The following PABPC1L variants were observed in gnomAD, a reference collection of about 807,000 sequenced individuals.
PABPC1L encodes polyadenylate-binding protein 1-like.
In PABPC1L, 31 loss-of-function variants were observed where a neutral mutation model predicts 66.6. The observed-to-expected ratio is 0.47, with a 90% CI of 0.35 to 0.63. The LOEUF (loss-of-function observed/expected upper bound fraction) is 0.63, where lower values mean the gene tolerates loss of function less well. PABPC1L is among the 20% of genes least tolerant of loss of function. The pLI is 0.00. For synonymous variants in PABPC1L, 348 were observed against 335.1 expected (o/e 1.04, Z -0.42); for missense variants, 722 against 848.8 (o/e 0.85, Z 1.86).
At chr20:44,928,864 CAAAAAAAAAAAAAAAA>C (rs10597679) in intron 7 of PABPC1L, among the ~76,000 whole-genome samples, 6 of 54,358 alleles carry the variant, frequency 1.1e-4, no homozygotes, top group African/African-American at 4.3e-4. Flanking sequence ...GATCCTGACT[CAAAAAAAAAAAAAAAA>C]AAAAAGAAAA....
rs754003327 is a variant in PABPC1L, at chr20:44,916,760, C to T, written c.392C>T (p.Ala131Val). 1.1e-5 allele frequency: 17 copies of T among 1,614,130 alleles called. No homozygotes were observed. The highest frequency in any genetic ancestry group is 1.0e-4 in the Admixed American group (6 of 60,022). Residue 131 changes from alanine to valine, a missense_variant, in exon 3 of 15, where the codon GCG (alanine) becomes GTG (valine). By Grantham distance (64) the Ala-to-Val change is moderately conservative. Transcript: ENST00000217073. ...TFGNILSCKV[A>V]CDEHGSRGFG... is the part of the protein sequence containing the mutation. ...TCCTTCCTCCCTGTGGCCCAGGTGG[C>T]GTGTGACGAGCATGGCTCCCGGGGT...
chr20:44,921,649 G>A lies in PABPC1L; in HGVS notation c.794G>A (p.Arg265Gln), dbSNP rs748731533. Residue 265 changes from arginine to glutamine, a missense_variant, in exon 6 of 15, where the codon CGG (arginine) becomes CAG (glutamine). Arg to Gln is a conservative substitution (Grantham distance 43). Transcript: ENST00000217073. ...AGCGGGCGGCTGCTGTACGCGGGCC[G>A]GGCCCAAAAGCGCGTGGAGCGGCAG... ...EVSGRLLYAG[R>Q]AQKRVERQNE... 53 of 1,613,840 alleles carry A rather than the reference G, an allele frequency of 3.3e-5. No individual in the cohort carries two copies. The highest frequency in any genetic ancestry group is 6.7e-5 in the East Asian group (3 of 44,860).
intron 11 of PABPC1L, 109 bp from the exon 12 acceptor site, chr20:44,936,528 G>A: frequency 3.4e-6 from 3 of 883,876 alleles, no homozygotes; most frequent in Non-Finnish European, 5.2e-6. Flanking sequence ...CTTGCCCTCT[G>A]TTCCCCTCCT....
In PABPC1L at chr20:44,924,234, A is replaced by G; in HGVS notation, c.950A>G (p.Tyr317Cys). 2.5e-6 allele frequency: 4 copies of G among 1,613,790 alleles called. No homozygotes were observed. Among genetic ancestry groups the G allele is most frequent in the Non-Finnish European group, 3.4e-6 (4 of 1,179,718 alleles). The change falls in exon 7 of 15, where the codon TAT becomes TGT. Residue 317 changes from tyrosine (Y) to cysteine (C), a missense_variant. Tyr to Cys is a radical substitution (Grantham distance 194). Around this residue, in one of 3 missense-constraint regions of PABPC1L, gnomAD observed 137 missense variants for 216.8 expected, o/e 0.63. Transcript: ENST00000217073. ...DDKLRKEFSP[Y>C]GVITSAKVMT... is the part of the protein sequence containing the mutation. ...AAACTGAGGAAAGAGTTCTCTCCCT[A>G]TGGAGTAATTACCAGTGCGAAGGTG... is the stretch of plus-strand genomic sequence containing the variant.
chr20:44,911,185 C>T (rs1343697478), intron 1 of PABPC1L, among the ~76,000 whole-genome samples: 1 of 151,816 alleles, frequency 6.6e-6, no homozygotes, highest in East Asian at 1.9e-4. Context: ...TAAATAAGGC[C>T]AGGCGCAGTG....
intron 7 of PABPC1L, among the ~76,000 whole-genome samples, chr20:44,924,683 G>C (rs1274739806): frequency 6.6e-6 from 1 of 152,212 alleles, no homozygotes; most frequent in East Asian, 1.9e-4. Flanking sequence ...TATTTCTGGA[G>C]CACCAATTGT....
At position 44,912,808 on chromosome 20, in the gene PABPC1L, T is replaced by C. The variant is rs994320960; in HGVS notation, c.342T>C (p.Ala114=). 1.4e-5 allele frequency: 22 copies of C among 1,614,062 alleles called. No homozygotes were observed. The highest frequency in any genetic ancestry group is 5.0e-5 in the Admixed American group (3 of 60,008). ...KNLEDSIDNK[A]LYDTFSTFGN... is the part of the protein sequence containing the mutation. Reference sequence around the variant, plus strand: ...TGGAGGACTCCATTGACAACAAGGCTTTATATGATACCTTCTCCACCTTTG... The same window carrying C: ...TGGAGGACTCCATTGACAACAAGGCCTTATATGATACCTTCTCCACCTTTG... The change falls in exon 2 of 15, where the codon GCT becomes GCC. Residue 114 remains alanine, a synonymous_variant. Coordinates refer to ENST00000217073, the MANE Select transcript of PABPC1L (RefSeq NM_001372179.1).
At chr20:44,916,680 C>T (rs116872114) in intron 2 of PABPC1L, 76 bp from the exon 3 acceptor site, 826 of 1,376,280 alleles carry the variant, frequency 6.0e-4, no homozygotes, top group Non-Finnish European at 7.5e-4. Flanking sequence ...AGAGACTGGT[C>T]GTGATCACCT....
intron 5 of PABPC1L, among the ~76,000 whole-genome samples, chr20:44,920,423 C>T (rs1056493929): frequency 1.3e-5 from 2 of 152,000 alleles, no homozygotes; most frequent in Admixed American, 6.6e-5. Flanking sequence ...CTTAGTAATA[C>T]GCATTTAAAA....
At chr20:44,914,399 G>A (rs1271996387) in intron 2 of PABPC1L, among the ~76,000 whole-genome samples, 4 of 151,902 alleles carry the variant, frequency 2.6e-5, no homozygotes, top group Admixed American at 6.5e-5. Flanking sequence ...TAGTAGAGAC[G>A]GGGTTTCACC....
At position 44,924,206 on chromosome 20, in the gene PABPC1L, G is replaced by T; in HGVS notation, c.922G>T (p.Asp308Tyr). The T allele has an allele frequency of 6.2e-7, 1 of 1,614,034 alleles. No homozygotes were observed. The highest frequency in any genetic ancestry group is 8.5e-7 in the Non-Finnish European group (1 of 1,179,970). ...GAATCTGGACGACTCCATTGATGAC[G>T]ACAAACTGAGGAAAGAGTTCTCTCC... is the stretch of plus-strand genomic sequence containing the variant. ...VKNLDDSIDDDKLRKEFSPYG... is the reference protein window; with the variant it reads ...VKNLDDSIDDYKLRKEFSPYG... Residue 308 changes from aspartate to tyrosine, a missense_variant, in exon 7 of 15, where the codon GAC (aspartate) becomes TAC (tyrosine). By Grantham distance (160) the Asp-to-Tyr change is radical. Coordinates refer to ENST00000217073, the MANE Select transcript of PABPC1L (RefSeq NM_001372179.1).
chr20:44,929,794 C>CAAAAAA (rs569532056), intron 7 of PABPC1L, among the ~76,000 whole-genome samples: 6 of 101,372 alleles, frequency 5.9e-5, no homozygotes, highest in African/African-American at 2.1e-4. Flanking sequence ...AACTATGTCT[C>CAAAAAA]AAAAAAAAAA....
intron 3 of PABPC1L, among the ~76,000 whole-genome samples, chr20:44,917,319 A>C (rs1464564895): frequency 1.3e-5 from 2 of 150,292 alleles, no homozygotes; most frequent in East Asian, 2.0e-4. Flanking sequence ...TGTAGCTGGG[A>C]CCACAGGTGA....
chr20:44,912,859 G>A lies in PABPC1L; in HGVS notation c.387+6G>A. ...GGAACATCCTCTCTTGCAAGGTAGA[G>A]GATGAAGGGTGTACGTCTTTGGGTA... On this transcript the variant is annotated splice_donor_region_variant and intron_variant, in intron 2 of 14. Transcript: ENST00000217073. 1 of 1,612,424 alleles carries A rather than the reference G, an allele frequency of 6.2e-7. No individual in the cohort carries two copies. The highest frequency in any genetic ancestry group is 8.5e-7 in the Non-Finnish European group (1 of 1,178,648).
chr20:44,939,149 G>A lies in PABPC1L; in HGVS notation c.*30G>A, dbSNP rs779568527. ...AGAAAAGGAAATCCTCGCTTCCATG[G>A]CTGCCAAAAGGACAGTGTTTCTGGC... On this transcript the variant is annotated 3_prime_UTR_variant, in exon 15 of 15. Transcript: ENST00000217073. 2 of 717,964 alleles carry A rather than the reference G, an allele frequency of 2.8e-6. No individual in the cohort carries two copies. The highest frequency in any genetic ancestry group is 3.0e-5 in the South Asian group (2 of 67,596). 44.5% of individuals were successfully genotyped at this position (717,964 alleles called of 1,614,324 possible). A position where few individuals can be genotyped will look rare whatever the true frequency, so the allele number is the denominator to read the frequency against.
intron 8 of PABPC1L, chr20:44,931,898 G>A (rs948158970): frequency 3.3e-5 from 5 of 153,052 alleles, no homozygotes; most frequent in African/African-American, 1.2e-4. Context: ...CAGCTTAGAT[G>A]GTCATTTTTT....
chr20:44,927,054 AT>A (rs941563557), intron 7 of PABPC1L, among the ~76,000 whole-genome samples: 7 of 149,930 alleles, frequency 4.7e-5, no homozygotes, highest in Admixed American at 2.0e-4. Context: ...TTAAAAAAAA[AT>A]TTTTTTTTGG....
At chr20:44,918,847 G>A (rs933164369) in intron 3 of PABPC1L, 59 bp from the exon 4 acceptor site, 5 of 1,522,714 alleles carry the variant, frequency 3.3e-6, no homozygotes, top group Non-Finnish European at 2.6e-6. Flanking sequence ...GAGTTGGCAT[G>A]GGGGTGGCTG....
rs1017131717 is a variant in PABPC1L at position 44,933,050 on chromosome 20, C to T, written c.1331-7C>T. On this transcript the variant is annotated splice_polypyrimidine_tract_variant and splice_region_variant and intron_variant, in intron 9 of 14. Transcript: ENST00000217073. ...CTTTTCTCTCTCTGTGGTGTCTGCA[C>T]CACAAGCTGCCTACCCTCCAGGTGC... The T allele has an allele frequency of 1.3e-6, 2 of 1,562,208 alleles. No individual in the cohort carries two copies. The highest frequency in any genetic ancestry group is 2.3e-5 in the East Asian group (1 of 42,728).
Sources: gnomAD v4.1 joint callset for allele counts (sites outside exome capture counted in the v4.1 genomes callset) on GRCh38, gnomAD v4.1.1 for gene constraint, gnomAD v4.1.1 regional missense constraint, MANE v1.5 for transcripts, NCBI Gene and HGNC (gene_info 2026-07-23, HGNC 2026-07-21) for gene names.